DLGAP1: variants seen among roughly 807,000 people sequenced by gnomAD.
The protein encoded by DLGAP1 is DLG associated protein 1.
Under a neutral mutation model 90.8 loss-of-function variants are expected in DLGAP1, and 11 were observed. That is an observed-to-expected ratio of 0.12 (90% CI 0.08 to 0.20). DLGAP1 has a LOEUF of 0.20. Ranked by LOEUF, DLGAP1 falls within the 10% of genes least tolerant of loss-of-function variation. DLGAP1 has a pLI of 1.00. For missense variants in DLGAP1, 1,050 were observed against 1,333.8 expected (o/e 0.79, Z 3.31); for synonymous variants, 558 against 540.7 (o/e 1.03, Z -0.44).
At chr18:4,188,253 A>C (rs1159440146) in intron 1 of DLGAP1, among the ~76,000 whole-genome samples, 2 of 152,104 alleles carry the variant, frequency 1.3e-5, no homozygotes, top group African/African-American at 4.8e-5. Flanking sequence ...TCGTTCTAGA[A>C]TCCACTCATT....
chr18:4,153,862 C>G (rs759713784), intron 1 of DLGAP1, among the ~76,000 whole-genome samples: 4 of 152,068 alleles, frequency 2.6e-5, no homozygotes, highest in Non-Finnish European at 4.4e-5. Context: ...CCTGATTGGA[C>G]CAGGAGAGGT....
chr18:3,859,788 C>A (rs2069910437), intron 4 of DLGAP1, among the ~76,000 whole-genome samples: 1 of 152,084 alleles, frequency 6.6e-6, no homozygotes, highest in Admixed American at 6.5e-5. Context: ...TTGTAACCTG[C>A]AGAACTGTAC....
intron 3 of DLGAP1, among the ~76,000 whole-genome samples, chr18:3,979,780 T>C (rs1430116629): frequency 6.6e-6 from 1 of 152,236 alleles, no homozygotes; most frequent in Non-Finnish European, 1.5e-5. Flanking sequence ...CTATGATGTA[T>C]ACATAGATCA....
At chr18:4,398,979 G>A (rs141267757) in intron 1 of DLGAP1, among the ~76,000 whole-genome samples, 133 of 152,166 alleles carry the variant, frequency 8.7e-4, no homozygotes, top group African/African-American at 2.7e-3. Flanking sequence ...CTACAAGCGC[G>A]CACCACTACG....
chr18:3,586,179 C>A (rs895291774), intron 7 of DLGAP1, among the ~76,000 whole-genome samples: 3 of 152,190 alleles, frequency 2.0e-5, no homozygotes, highest in Non-Finnish European at 4.4e-5. Flanking sequence ...CAGCCCCCAA[C>A]ACCCAAAGAA....
At chr18:3,810,317 A>G (rs1284813305) in intron 5 of DLGAP1, among the ~76,000 whole-genome samples, 3 of 152,202 alleles carry the variant, frequency 2.0e-5, no homozygotes. Flanking sequence ...AAAACCACCC[A>G]CATAAATAAA....
chr18:4,303,649 C>T (rs768112461), intron 1 of DLGAP1, among the ~76,000 whole-genome samples: 1 of 152,202 alleles, frequency 6.6e-6, no homozygotes, highest in Non-Finnish European at 1.5e-5. Flanking sequence ...CTCCCTAACT[C>T]ATCATCTCAA....
At chr18:3,817,118 TG>T in intron 4 of DLGAP1, among the ~76,000 whole-genome samples, 2 of 62,556 alleles carry the variant, frequency 3.2e-5, no homozygotes, top group East Asian at 7.1e-4. Flanking sequence ...TTGGTACAGC[TG>T]AGGGTCATAG....
At chr18:3,553,525 G>A (rs2053590004) in intron 9 of DLGAP1, among the ~76,000 whole-genome samples, 1 of 151,976 alleles carries the variant, frequency 6.6e-6, no homozygotes, top group Non-Finnish European at 1.5e-5. Flanking sequence ...TACACACATA[G>A]TTTTTTTGTT....
chr18:3,571,729 T>C (rs2054801002), intron 8 of DLGAP1, among the ~76,000 whole-genome samples: 1 of 152,116 alleles, frequency 6.6e-6, no homozygotes, highest in South Asian at 2.1e-4. Flanking sequence ...GGTTTCATCA[T>C]GTTGGCCAGG....
At chr18:4,330,244 T>G (rs1049718419) in intron 1 of DLGAP1, among the ~76,000 whole-genome samples, 1 of 149,454 alleles carries the variant, frequency 6.7e-6, no homozygotes, top group Non-Finnish European at 1.5e-5. Flanking sequence ...TAATTTGTAT[T>G]CTCTCTTTAT....
chr18:3,704,609 T>C (rs116667178), intron 7 of DLGAP1, among the ~76,000 whole-genome samples: 2,136 of 151,724 alleles, frequency 0.014, 54 homozygotes, highest in African/African-American at 0.047. Context: ...TTAAATTTCA[T>C]GACTTAGTGA....
chr18:4,302,274 G>A (rs1018708937), intron 1 of DLGAP1, among the ~76,000 whole-genome samples: 4 of 152,096 alleles, frequency 2.6e-5, no homozygotes, highest in Non-Finnish European at 5.9e-5. Context: ...TTTACAGTCT[G>A]GGGTCTTATG....
At chr18:4,140,748 CTGT>C (rs1437636277) in intron 2 of DLGAP1, among the ~76,000 whole-genome samples, 1 of 151,890 alleles carries the variant, frequency 6.6e-6, no homozygotes, top group Admixed American at 6.6e-5. Context: ...CCTTTGTCTT[CTGT>C]TGTTCTCGAA....
intron 1 of DLGAP1, among the ~76,000 whole-genome samples, chr18:4,343,343 G>C (rs1173478332): frequency 1.3e-5 from 2 of 151,654 alleles, no homozygotes; most frequent in Non-Finnish European, 2.9e-5. Context: ...ATGGAACTAG[G>C]TTCTAAGCAT....
chr18:4,019,126 T>C (rs1334164260), intron 2 of DLGAP1, among the ~76,000 whole-genome samples: 1 of 152,232 alleles, frequency 6.6e-6, no homozygotes, highest in Non-Finnish European at 1.5e-5. Context: ...CAGTCTATTC[T>C]GCTCCATCTA....
rs114274818 is a variant in DLGAP1, at chr18:3,714,049, G to A, written c.1591+15086C>T. Reference sequence around the variant, plus strand: ...TCTGTTCCAATGCTTCTGGAGGTACGGTGTTAACATCAGAAACAATTTCTT... The same window carrying A: ...TCTGTTCCAATGCTTCTGGAGGTACAGTGTTAACATCAGAAACAATTTCTT... On this transcript the variant is annotated intron_variant, in intron 7 of 12. Coordinates refer to ENST00000315677, the MANE Select transcript of DLGAP1 (RefSeq NM_004746.4). Among the ~76,000 whole-genome samples, 1,391 of 152,118 alleles carry A rather than the reference G, an allele frequency of 9.1e-3. 17 individuals are homozygous for A. Among genetic ancestry groups the A allele is most frequent in the African/African-American group, 0.032 (1,311 of 41,492 alleles).
chr18:4,301,728 T>C (rs902470942), intron 1 of DLGAP1, among the ~76,000 whole-genome samples: 2 of 152,178 alleles, frequency 1.3e-5, no homozygotes, highest in African/African-American at 4.8e-5. Flanking sequence ...GGAACCTACA[T>C]CTAGTTTGGT....
intron 1 of DLGAP1, among the ~76,000 whole-genome samples, chr18:4,241,971 A>C (rs1477557361): frequency 6.6e-6 from 1 of 152,190 alleles, no homozygotes; most frequent in Non-Finnish European, 1.5e-5. Flanking sequence ...GAAAGGGTAA[A>C]TCAAGCTATC....
Sources: gnomAD v4.1 joint callset for allele counts (sites outside exome capture counted in the v4.1 genomes callset) on GRCh38, gnomAD v4.1.1 for gene constraint, MANE v1.5 for transcripts, NCBI Gene and HGNC (gene_info 2026-07-23, HGNC 2026-07-21) for gene names.